Variants in UPP2 observed in about 807,000 individuals in gnomAD.
The protein encoded by UPP2 is UPase 2.
A neutral mutation model predicts 26.7 loss-of-function variants in UPP2; 23 were observed. The observed-to-expected ratio is 0.86, with a 90% confidence interval of 0.62 to 1.22. UPP2 has a LOEUF of 1.22. Among genes scored for constraint, UPP2 ranks in the 50% most tolerant of loss-of-function variants. UPP2 has a pLI of 0.00. For missense variants in UPP2, 387 were observed against 396.7 expected, an observed-to-expected ratio of 0.98 and a Z score of 0.21; for synonymous variants, 127 against 141.3, an observed-to-expected ratio of 0.90 and a Z score of 0.72.
intron 2 of UPP2, among the ~76,000 whole-genome samples, chr2:158,014,085 C>T (rs1055190001): frequency 3.3e-5 from 5 of 152,234 alleles, no homozygotes; most frequent in African/African-American, 1.2e-4. Context: ...AGGATTTCCA[C>T]TTAGGAAAAT....
In UPP2 at chr2:157,998,835, T is replaced by G. The variant is rs542161084; in HGVS notation, c.61+3576T>G. Among the ~76,000 whole-genome samples, 7 of 151,990 alleles carry G rather than the reference T, an allele frequency of 4.6e-5. No individual in the cohort carries two copies. In the South Asian group the frequency reaches 1.5e-3, roughly 32 times the overall value. Reference sequence around the variant, plus strand: ...TAAAATAAAATAAAAATAAATAAAGTTTATTGAGTTTCTTGGATCTATATG... The same window carrying G: ...TAAAATAAAATAAAAATAAATAAAGGTTATTGAGTTTCTTGGATCTATATG... On this transcript the variant is annotated intron_variant, in intron 2 of 9. Transcript: ENST00000605860.
At chr2:158,076,017 C>T (rs1366073861) in intron 3 of UPP2, among the ~76,000 whole-genome samples, 1 of 151,798 alleles carries the variant, frequency 6.6e-6, no homozygotes. Context: ...CACTGGAATT[C>T]AAAGGATCAC....
chr2:158,095,692 G>C (rs1420153022), intron 3 of UPP2, among the ~76,000 whole-genome samples: 1 of 152,150 alleles, frequency 6.6e-6, no homozygotes, highest in Non-Finnish European at 1.5e-5. Flanking sequence ...GACGTGTTGT[G>C]AGGATGAAAT....
chr2:158,020,693 C>T (rs1285922569), intron 3 of UPP2, among the ~76,000 whole-genome samples: 3 of 152,212 alleles, frequency 2.0e-5, no homozygotes, highest in African/African-American at 4.8e-5. Flanking sequence ...CAGCATTGTT[C>T]GTGCACAGAT....
At chr2:158,061,740 C>G (rs1355505401) in intron 3 of UPP2, among the ~76,000 whole-genome samples, 6 of 152,224 alleles carry the variant, frequency 3.9e-5, no homozygotes, top group East Asian at 1.9e-4. Context: ...TCTTCCTGCT[C>G]CTTCCCAGGA....
intron 3 of UPP2, among the ~76,000 whole-genome samples, chr2:158,035,555 T>C (rs540953117): frequency 6.6e-6 from 1 of 152,272 alleles, no homozygotes; most frequent in African/African-American, 2.4e-5. Context: ...CCTCCTCCAT[T>C]TTACAGAATC....
rs192427787 is a variant in UPP2 at position 158,079,912 on chromosome 2, A to G, written c.148-22128A>G. 2.9e-3 allele frequency among the ~76,000 whole-genome samples: 443 copies of G among 152,276 alleles called. 5 individuals carry two copies. The highest frequency in any genetic ancestry group is 0.01 in the African/African-American group (426 of 41,568). On this transcript the variant is annotated intron_variant, in intron 3 of 9. Transcript: ENST00000605860. The stretch of plus-strand genomic sequence containing the variant: ...GTCAGTTTCCTGTCTGTCAGGCACT[A>G]TTTGCACAGAGACAACCAAGCCATT...
chr2:158,109,910 T>C (rs1351759642), intron 2 of UPP2, among the ~76,000 whole-genome samples: 3 of 152,146 alleles, frequency 2.0e-5, no homozygotes, highest in African/African-American at 7.2e-5. Context: ...TAGTTTGAAC[T>C]GAGGAAAAAT....
chr2:157,997,149 A>T (rs1433312688), intron 2 of UPP2, among the ~76,000 whole-genome samples: 1 of 152,182 alleles, frequency 6.6e-6, no homozygotes, highest in East Asian at 1.9e-4. Flanking sequence ...TGCTTGTCTG[A>T]TTATTAGATC....
chr2:158,046,120 G>A (rs1356892674), intron 3 of UPP2, among the ~76,000 whole-genome samples: 2 of 152,174 alleles, frequency 1.3e-5, no homozygotes, highest in Admixed American at 1.3e-4. Flanking sequence ...CTAAGAACTA[G>A]ACTAAAGCAT....
intron 6 of UPP2, among the ~76,000 whole-genome samples, chr2:158,133,049 G>A (rs760593490): frequency 2.6e-5 from 4 of 152,178 alleles, no homozygotes; most frequent in Non-Finnish European, 5.9e-5. Flanking sequence ...TCAGTGTGCT[G>A]TAAACAGACA....
intron 2 of UPP2, among the ~76,000 whole-genome samples, chr2:158,006,350 TC>T (rs2105137155): frequency 6.6e-6 from 1 of 151,994 alleles, no homozygotes; most frequent in South Asian, 2.1e-4. Flanking sequence ...GCGCCTGTAG[TC>T]CCAGCTACTC....
intron 3 of UPP2, among the ~76,000 whole-genome samples, chr2:158,087,713 T>C (rs1392740431): frequency 6.6e-6 from 1 of 152,206 alleles, no homozygotes; most frequent in African/African-American, 2.4e-5. Context: ...TCTCAGCCTT[T>C]GTTTGCCTGA....
rs1325293149 is a variant in UPP2, at chr2:158,036,352, C to T, written c.147+20466C>T. On this transcript the variant is annotated intron_variant, in intron 3 of 9. Coordinates refer to the UPP2 transcript ENST00000605860. ...GGGCAAATACTCAGCTCCTTCACTA[C>T]GACTGTACCCCCGAGCGCTTGGTGG... Among the ~76,000 whole-genome samples the T allele has an allele frequency of 5.3e-5, 8 of 152,240 alleles. No homozygotes were observed. The South Asian group carries it at 6.2e-4, about 12-fold the overall frequency.
At chr2:158,122,333 A>G (rs1683587490) in intron 5 of UPP2, among the ~76,000 whole-genome samples, 1 of 152,042 alleles carries the variant, frequency 6.6e-6, no homozygotes, top group Admixed American at 6.5e-5. Context: ...AATTACTTTT[A>G]TTTTCCCTTT....
chr2:158,125,592 T>C (rs1404007134), intron 6 of UPP2, among the ~76,000 whole-genome samples: 1 of 152,062 alleles, frequency 6.6e-6, no homozygotes, highest in African/African-American at 2.4e-5. Context: ...CGGCTAACTT[T>C]TGTATTTTCA....
At position 158,086,977 on chromosome 2, in the gene UPP2, T is replaced by C. The variant is rs185644862; in HGVS notation, c.148-15063T>C. Among the ~76,000 whole-genome samples the C allele has an allele frequency of 2.0e-5, 3 of 152,274 alleles. No homozygotes were observed. In the East Asian group the frequency reaches 5.8e-4, roughly 29 times the overall value. ...GAATGTATATTCTGCAGTTGTTGGGTATAATGTTCTGTAAATATCTGTTAA... is the reference window on the plus strand; with the variant it reads ...GAATGTATATTCTGCAGTTGTTGGGCATAATGTTCTGTAAATATCTGTTAA... On this transcript the variant is annotated intron_variant, in intron 3 of 9. Transcript: ENST00000605860.
rs1553467788 is a variant in UPP2 at position 158,083,865 on chromosome 2, T to TATATATATATATA, written c.148-18175_148-18174insATATATATATATA. Among the ~76,000 whole-genome samples the TATATATATATATA allele has an allele frequency of 3.6e-4, 43 of 118,748 alleles. 1 individual carries two copies. The highest frequency in any genetic ancestry group is 1.1e-3 in the African/African-American group (33 of 31,192). 77.9% of individuals were successfully genotyped at this position (118,748 alleles called of 152,430 possible). A position where few individuals can be genotyped will look rare whatever the true frequency, so the allele number is the denominator to read the frequency against. ...TTATGTCTGTTTATATATATATGTT[T>TATATATATATATA]TTTATATATATATATATATCTCACA... is the stretch of plus-strand genomic sequence containing the variant. On this transcript the variant is annotated intron_variant, in intron 3 of 9. Coordinates refer to the UPP2 transcript ENST00000605860.
intron 3 of UPP2, among the ~76,000 whole-genome samples, chr2:158,047,863 G>T (rs1355031923): frequency 6.6e-6 from 1 of 152,108 alleles, no homozygotes; most frequent in Non-Finnish European, 1.5e-5. Context: ...TTCCCAATTG[G>T]TTTTTCTAAA....
Sources: gnomAD v4.1 joint callset for allele counts (sites outside exome capture counted in the v4.1 genomes callset) on GRCh38, gnomAD v4.1.1 for gene constraint, MANE v1.5 for transcripts, NCBI Gene and HGNC (gene_info 2026-07-23, HGNC 2026-07-21) for gene names.